NEK11: variants seen among roughly 807,000 people sequenced by gnomAD.
The protein encoded by NEK11 is serine/threonine-protein kinase Nek11.
In NEK11, 72 loss-of-function variants were observed where a neutral mutation model predicts 80.7. The ratio of observed to expected loss-of-function variants is 0.89; its 90% CI spans 0.74 to 1.08. The LOEUF (loss-of-function observed/expected upper bound fraction) is 1.08. Ranked by LOEUF, NEK11 falls within the 50% of genes least tolerant of loss-of-function variation. The pLI is 0.00. For synonymous variants in NEK11, 251 were observed against 260.7 expected, an observed-to-expected ratio of 0.96 and a Z score of 0.36; for missense variants, 764 against 763.6, an observed-to-expected ratio of 1.00 and a Z score of -0.01.
intron 17 of NEK11, chr3:131,330,632 T>C (rs1281062233): frequency 6.6e-6 from 1 of 152,234 alleles, no homozygotes; most frequent in Non-Finnish European, 1.5e-5. Flanking sequence ...TTGAAGAGTC[T>C]GTCATCATTG....
At chr3:131,088,558 C>G (rs1015542099) in intron 4 of NEK11, among the ~76,000 whole-genome samples, 1 of 151,940 alleles carries the variant, frequency 6.6e-6, no homozygotes, top group African/African-American at 2.4e-5. Context: ...AAAATAGAAT[C>G]ACACTAATTT....
At chr3:131,274,303 G>T (rs2096254216) in intron 17 of NEK11, among the ~76,000 whole-genome samples, 2 of 147,040 alleles carry the variant, frequency 1.4e-5, no homozygotes, top group African/African-American at 5.3e-5. Context: ...ATTTTTTATG[G>T]CTGCATAGTA....
intron 17 of NEK11, among the ~76,000 whole-genome samples, chr3:131,348,395 T>C (rs2097398659): frequency 6.6e-6 from 1 of 152,044 alleles, no homozygotes; most frequent in Non-Finnish European, 1.5e-5. Flanking sequence ...CCAACTTGAA[T>C]GCCCTTGAGT....
At chr3:131,199,338 G>A (rs2094143862) in intron 14 of NEK11, among the ~76,000 whole-genome samples, 1 of 151,984 alleles carries the variant, frequency 6.6e-6, no homozygotes, top group Non-Finnish European at 1.5e-5. Context: ...AATAAAAGGT[G>A]ATTCAACCTT....
intron 17 of NEK11, among the ~76,000 whole-genome samples, chr3:131,314,408 C>T (rs950876053): frequency 9.9e-5 from 15 of 152,170 alleles, no homozygotes; most frequent in African/African-American, 3.4e-4. Flanking sequence ...AAGAATGTTA[C>T]ATATTGAAAA....
chr3:131,316,840 C>G (rs977605538), intron 17 of NEK11, among the ~76,000 whole-genome samples: 1 of 152,052 alleles, frequency 6.6e-6, no homozygotes, highest in Non-Finnish European at 1.5e-5. Flanking sequence ...TTTGCAAAAA[C>G]TGATGGTAAA....
At chr3:131,127,455 A>G (rs959052296) in intron 5 of NEK11, among the ~76,000 whole-genome samples, 1 of 151,170 alleles carries the variant, frequency 6.6e-6, no homozygotes, top group African/African-American at 2.4e-5. Context: ...GAAAATATAT[A>G]TATGCACTCC....
At chr3:131,187,818 A>G (rs2093655160) in intron 14 of NEK11, among the ~76,000 whole-genome samples, 1 of 152,224 alleles carries the variant, frequency 6.6e-6, no homozygotes, top group Non-Finnish European at 1.5e-5. Context: ...CAGATTGAAA[A>G]TAAAGTATTT....
chr3:131,166,074 T>A (rs1196821706), intron 12 of NEK11, among the ~76,000 whole-genome samples: 1 of 152,206 alleles, frequency 6.6e-6, no homozygotes, highest in Non-Finnish European at 1.5e-5. Flanking sequence ...GCAAACACCA[T>A]TTTCTCTAAT....
At chr3:131,154,159 C>A (rs2090210516) in intron 9 of NEK11, among the ~76,000 whole-genome samples, 1 of 152,066 alleles carries the variant, frequency 6.6e-6, no homozygotes, top group Admixed American at 6.6e-5. Flanking sequence ...CCTGATACTT[C>A]CAGCTCTCCT....
intron 7 of NEK11, among the ~76,000 whole-genome samples, chr3:131,150,824 A>G (rs116532233): frequency 1.0e-3 from 154 of 151,860 alleles, no homozygotes; most frequent in African/African-American, 3.6e-3. Context: ...TGTCTGGATC[A>G]TTTTTCTTCT....
chr3:131,048,387 C>T (rs2067773816), intron 3 of NEK11, among the ~76,000 whole-genome samples: 1 of 152,206 alleles, frequency 6.6e-6, no homozygotes. Flanking sequence ...TTCCCAGTTC[C>T]TCTGGCAGCC....
chr3:131,281,103 G>A (rs1348232621), intron 17 of NEK11, among the ~76,000 whole-genome samples: 1 of 152,108 alleles, frequency 6.6e-6, no homozygotes, highest in Non-Finnish European at 1.5e-5. Flanking sequence ...GTATGTGTGG[G>A]TATACACAGG....
rs113410055 is a variant in NEK11 at position 131,186,270 on chromosome 3, G to A, written c.1399+15383G>A. On this transcript the variant is annotated intron_variant, in intron 14 of 17. Transcript: ENST00000383366. ...TATTTTTATTTGCTATTGTTTTTGC[G>A]TTTATGAAAAATATAAAATCACTTT... 2.7e-3 allele frequency among the ~76,000 whole-genome samples: 417 copies of A among 152,154 alleles called. 1 individual carries two copies. The highest frequency in any genetic ancestry group is 9.0e-3 in the African/African-American group (374 of 41,518).
intron 5 of NEK11, among the ~76,000 whole-genome samples, chr3:131,122,881 C>A (rs955472897): frequency 2.0e-5 from 3 of 152,060 alleles, no homozygotes; most frequent in African/African-American, 7.2e-5. Context: ...GAATTTGAAC[C>A]AGAAACTGTC....
intron 16 of NEK11, among the ~76,000 whole-genome samples, chr3:131,272,043 T>C (rs2096199408): frequency 6.6e-6 from 1 of 151,940 alleles, no homozygotes; most frequent in African/African-American, 2.4e-5. Context: ...GAGGTTGCGG[T>C]GAGCCGAGAT....
At chr3:131,180,757 A>G (rs1342683987) in intron 14 of NEK11, among the ~76,000 whole-genome samples, 1 of 152,226 alleles carries the variant, frequency 6.6e-6, no homozygotes, top group Non-Finnish European at 1.5e-5. Flanking sequence ...CCATGAAATT[A>G]TGATATGCCG....
At chr3:131,080,067 A>G (rs867453992) in intron 3 of NEK11, among the ~76,000 whole-genome samples, 7 of 107,638 alleles carry the variant, frequency 6.5e-5, no homozygotes, top group African/African-American at 2.3e-4. Context: ...GTGTGTGTGT[A>G]TGAACACACA....
At chr3:131,050,940 G>A (rs948782169) in intron 3 of NEK11, among the ~76,000 whole-genome samples, 1 of 152,176 alleles carries the variant, frequency 6.6e-6, no homozygotes. Flanking sequence ...TGAGGTGGGA[G>A]GATTGCCTTA....
Sources: gnomAD v4.1 joint callset for allele counts (sites outside exome capture counted in the v4.1 genomes callset) on GRCh38, gnomAD v4.1.1 for gene constraint, MANE v1.5 for transcripts, NCBI Gene and HGNC (gene_info 2026-07-23, HGNC 2026-07-21) for gene names.